Variants in CDIN1 observed in about 807,000 individuals in gnomAD.
CDIN1 encodes the protein CDAN1 interacting nuclease 1, also known as CDAN1-interacting nuclease 1.
In CDIN1, 33 loss-of-function variants were observed where a neutral mutation model predicts 45.3. The ratio of observed to expected loss-of-function variants is 0.73; its 90% confidence interval spans 0.55 to 0.97. CDIN1 has a LOEUF of 0.97. Among genes scored for constraint, CDIN1 ranks in the 50% least tolerant of loss-of-function variants. The pLI, the probability that CDIN1 is intolerant of heterozygous loss-of-function variation, is 0.00. For missense variants in CDIN1, 303 were observed against 339.4 expected, an observed-to-expected ratio of 0.89 and a Z score of 0.84; for synonymous variants, 118 against 124.4, an observed-to-expected ratio of 0.95 and a Z score of 0.34.
At chr15:36,652,526 ATTG>A (rs2040613505) in intron 3 of CDIN1, among the ~76,000 whole-genome samples, 3 of 152,138 alleles carry the variant, frequency 2.0e-5, no homozygotes, top group Non-Finnish European at 4.4e-5. Context: ...TTTGTGAGAA[ATTG>A]ATGTGAGGTT....
intron 1 of CDIN1, among the ~76,000 whole-genome samples, chr15:36,633,023 T>C (rs1482621513): frequency 6.6e-6 from 1 of 152,194 alleles, no homozygotes; most frequent in Non-Finnish European, 1.5e-5. Context: ...ATCAGAACAT[T>C]TAGAAAAGGG....
chr15:36,580,849 T>C (rs959966659), intron 1 of CDIN1, among the ~76,000 whole-genome samples: 3 of 152,234 alleles, frequency 2.0e-5, no homozygotes, highest in African/African-American at 7.2e-5. Flanking sequence ...TTATTCCTAA[T>C]GGAGAGCTTC....
chr15:36,618,761 C>CAAACAA, intron 1 of CDIN1: 2 of 614,332 alleles, frequency 3.3e-6, no homozygotes. Flanking sequence ...ACAACTCAGC[C>CAAACAA]AAAAAAAAAA....
intron 3 of CDIN1, among the ~76,000 whole-genome samples, chr15:36,646,468 A>G (rs1020675607): frequency 6.7e-6 from 1 of 149,254 alleles, no homozygotes; most frequent in Non-Finnish European, 1.5e-5. Context: ...TCTAGGAGAG[A>G]TCCTCTCTAA....
chr15:36,762,370 G>T (rs2053789000), intron 10 of CDIN1, among the ~76,000 whole-genome samples: 1 of 152,156 alleles, frequency 6.6e-6, no homozygotes, highest in African/African-American at 2.4e-5. Flanking sequence ...AGGCCTACAA[G>T]ATTTATTTAT....
intron 10 of CDIN1, among the ~76,000 whole-genome samples, chr15:36,745,958 G>T (rs373412936): frequency 2.0e-5 from 3 of 151,768 alleles, no homozygotes; most frequent in African/African-American, 7.3e-5. Context: ...AGAGTGAGAC[G>T]CCATCTCCAA....
intron 5 of CDIN1, among the ~76,000 whole-genome samples, chr15:36,688,090 A>G (rs2042123174): frequency 6.6e-6 from 1 of 152,144 alleles, no homozygotes; most frequent in Middle Eastern, 3.2e-3. Context: ...TAAAAATAGT[A>G]AAAGAGTAAT....
rs180783611 is a variant in CDIN1 at position 36,763,063 on chromosome 15, A to G, written c.717-45261A>G. On this transcript the variant is annotated intron_variant, in intron 10 of 10. Transcript: ENST00000566621. The stretch of plus-strand genomic sequence containing the variant: ...TCTAGTTCTAGATCCCTGAGGAATC[A>G]CCACGCTGACTTCCACAATGGTTGA... Among the ~76,000 whole-genome samples the G allele has an allele frequency of 1.0e-3, 159 of 152,314 alleles. 2 individuals are homozygous for G. Among genetic ancestry groups the G allele is most frequent in the Admixed American group, 4.4e-3 (67 of 15,300 alleles).
At chr15:36,782,991 G>A (rs1213701378) in intron 10 of CDIN1, among the ~76,000 whole-genome samples, 1 of 152,136 alleles carries the variant, frequency 6.6e-6, no homozygotes, top group East Asian at 1.9e-4. Context: ...AATAATGTTT[G>A]ACAAGTGGAG....
Position 36,703,236 on chromosome 15 carries a change from G to GAT in CDIN1, c.544+5857_544+5858dup, listed in dbSNP as rs1301984098. Among the ~76,000 whole-genome samples, 6 of 47,904 alleles carry GAT rather than the reference G, an allele frequency of 1.3e-4. 1 individual carries two copies. The highest frequency in any genetic ancestry group is 1.3e-3 in the South Asian group (2 of 1,562). 31.4% of individuals were successfully genotyped at this position (47,904 alleles called of 152,430 possible). A position where few individuals can be genotyped will look rare whatever the true frequency, so the allele number is the denominator to read the frequency against. On this transcript the variant is annotated intron_variant, in intron 8 of 10. Transcript: ENST00000566621. ...CTGTCTCAAATATATATATATATCA[G>GAT]ATATATATATATCAGAAAGGGATAT...
chr15:36,658,488 AATATTCAATGTG>A (rs1269645420), intron 5 of CDIN1, among the ~76,000 whole-genome samples: 3 of 152,212 alleles, frequency 2.0e-5, no homozygotes, highest in African/African-American at 7.2e-5. Flanking sequence ...ATTTATGAGT[AATATTCAATGTG>A]ATATTCAAAG....
At chr15:36,687,568 C>T (rs2042105538) in intron 5 of CDIN1, among the ~76,000 whole-genome samples, 2 of 151,786 alleles carry the variant, frequency 1.3e-5, no homozygotes, top group Admixed American at 6.6e-5. Context: ...ACATACTTAC[C>T]AAGAATTCAG....
intron 1 of CDIN1, among the ~76,000 whole-genome samples, chr15:36,626,246 C>A (rs1207756981): frequency 6.6e-6 from 1 of 150,754 alleles, no homozygotes; most frequent in African/African-American, 2.4e-5. Flanking sequence ...TCAGGGAAGG[C>A]CTTATATATT....
intron 10 of CDIN1, among the ~76,000 whole-genome samples, chr15:36,715,568 TTAG>T (rs2043189852): frequency 6.6e-6 from 1 of 151,524 alleles, no homozygotes; most frequent in Non-Finnish European, 1.5e-5. Context: ...AGTATGTGCC[TTAG>T]CAATAGAAGC....
chr15:36,775,744 G>A (rs1017900964), intron 10 of CDIN1, among the ~76,000 whole-genome samples: 1 of 152,022 alleles, frequency 6.6e-6, no homozygotes, highest in Admixed American at 6.6e-5. Flanking sequence ...CCTGACAAGC[G>A]TTTTATCTGT....
intron 1 of CDIN1, among the ~76,000 whole-genome samples, chr15:36,621,958 C>T (rs1159818521): frequency 6.7e-6 from 1 of 149,584 alleles, no homozygotes; most frequent in Non-Finnish European, 1.5e-5. Flanking sequence ...CTTCAGTCTG[C>T]TGGATTTAGT....
intron 1 of CDIN1, chr15:36,617,251 G>T: frequency 1.1e-6 from 1 of 946,430 alleles, no homozygotes; most frequent in East Asian, 2.4e-5. Flanking sequence ...TGCTCATCCT[G>T]AGGTTAATGC....
At position 36,690,557 on chromosome 15, in the gene CDIN1, C is replaced by T. The variant is rs559753943; in HGVS notation, c.347-1128C>T. 3.0e-4 allele frequency among the ~76,000 whole-genome samples: 46 copies of T among 152,164 alleles called. 2 individuals carry two copies. The South Asian group carries it at 3.5e-3, about 12-fold the overall frequency. On this transcript the variant is annotated intron_variant, in intron 5 of 10. Coordinates refer to ENST00000566621, the MANE Select transcript of CDIN1 (RefSeq NM_001321759.2). ...TGCTGGGATTACAGACGTGAGCCAC[C>T]GCGCCTGGCCACTAACATTTATCTT...
intron 1 of CDIN1, among the ~76,000 whole-genome samples, chr15:36,630,564 G>A (rs918259964): frequency 1.3e-5 from 2 of 152,142 alleles, no homozygotes; most frequent in Non-Finnish European, 2.9e-5. Context: ...AACTGTTGAT[G>A]CCACCCTCCC....
Sources: allele counts gnomAD v4.1 joint callset (sites outside exome capture counted in the v4.1 genomes callset), GRCh38; gene constraint gnomAD v4.1.1; transcripts MANE v1.5; gene names NCBI Gene and HGNC (gene_info 2026-07-23, HGNC 2026-07-21).